Variants in MAST4 observed in about 807,000 individuals in gnomAD.
MAST4 encodes microtubule-associated serine/threonine-protein kinase 4.
MAST4 carries 89 observed loss-of-function variants against 162.7 expected under a neutral mutation model. The ratio of observed to expected loss-of-function variants is 0.55; its 90% CI spans 0.46 to 0.65. The LOEUF is 0.65. Ranked by LOEUF, MAST4 falls within the 30% of genes least tolerant of loss-of-function variation. The probability of loss-of-function intolerance (pLI) is 0.00; values close to 1 mark genes in which losing one functional copy is unlikely to be tolerated. For synonymous variants in MAST4, 1,479 were observed against 1,361.1 expected, an observed-to-expected ratio of 1.09 and a Z score of -1.91; for missense variants, 3,153 against 3,374.0, an observed-to-expected ratio of 0.93 and a Z score of 1.62.
chr5:66,656,561 T>C (rs1415791429), intron 1 of MAST4, among the ~76,000 whole-genome samples: 1 of 152,134 alleles, frequency 6.6e-6, no homozygotes, highest in Non-Finnish European at 1.5e-5. Context: ...TTGAGGAATA[T>C]TGATGAGAAG....
In MAST4 at chr5:66,750,285, A is replaced by G. The variant is rs189930406; in HGVS notation, c.364-9424A>G. Among the ~76,000 whole-genome samples, 372 of 152,258 alleles carry G rather than the reference A, an allele frequency of 2.4e-3. 2 individuals are homozygous for G. The highest frequency in any genetic ancestry group is 8.6e-3 in the African/African-American group (356 of 41,558). On this transcript the variant is annotated intron_variant, in intron 1 of 28. Transcript: ENST00000403625. The stretch of plus-strand genomic sequence containing the variant: ...ATGAGTCTTTAAAATGCATGTGCTG[A>G]GGGAGGAGCCAAGATGGCCGAATAG...
intron 1 of MAST4, among the ~76,000 whole-genome samples, chr5:66,649,149 C>T (rs1746051263): frequency 6.6e-6 from 1 of 152,156 alleles, no homozygotes; most frequent in South Asian, 2.1e-4. Context: ...ATTGCCCTAA[C>T]AGTGAATCAA....
chr5:67,090,127 CAT>C, intron 5 of MAST4, 33 bp from the exon 6 acceptor site: 2 of 1,393,362 alleles, frequency 1.4e-6, no homozygotes, highest in Non-Finnish European at 2.0e-6. Context: ...TACACAAAAT[CAT>C]GTAGTAAATT....
chr5:66,873,264 A>G (rs1237091377), intron 3 of MAST4, among the ~76,000 whole-genome samples: 1 of 152,240 alleles, frequency 6.6e-6, no homozygotes, highest in Admixed American at 6.5e-5. Flanking sequence ...AAGCCATAGG[A>G]GAAGCCACGG....
chr5:66,833,696 A>G (rs1263899386), intron 3 of MAST4, among the ~76,000 whole-genome samples: 1 of 152,192 alleles, frequency 6.6e-6, no homozygotes, highest in Non-Finnish European at 1.5e-5. Flanking sequence ...TTTAATTTTC[A>G]TGAAATTTTC....
At chr5:66,612,239 A>C (rs1485315443) in intron 1 of MAST4, among the ~76,000 whole-genome samples, 1 of 152,140 alleles carries the variant, frequency 6.6e-6, no homozygotes, top group East Asian at 1.9e-4. Context: ...TTGCCTGTTC[A>C]CTTGAACTTC....
chr5:66,599,300 A>T (rs1742404300), intron 1 of MAST4, among the ~76,000 whole-genome samples: 2 of 152,146 alleles, frequency 1.3e-5, no homozygotes, highest in Admixed American at 1.3e-4. Flanking sequence ...TAAGGAGCAA[A>T]TGAAACCTCT....
At chr5:66,713,998 A>G (rs759345836) in intron 1 of MAST4, among the ~76,000 whole-genome samples, 4 of 152,226 alleles carry the variant, frequency 2.6e-5, no homozygotes, top group Non-Finnish European at 5.9e-5. Flanking sequence ...CCATGATGAA[A>G]GTACTTTTGT....
chr5:66,963,721 G>A (rs368168347), intron 4 of MAST4: 13 of 779,688 alleles, frequency 1.7e-5, no homozygotes, highest in Non-Finnish European at 3.1e-5. Flanking sequence ...ACTCCCAGGA[G>A]CCTGAGTCCA....
chr5:66,929,863 G>A (rs1287687197), intron 4 of MAST4, among the ~76,000 whole-genome samples: 2 of 152,176 alleles, frequency 1.3e-5, no homozygotes, highest in Non-Finnish European at 2.9e-5. Context: ...AGTAGCTTGA[G>A]TCTGATGATT....
chr5:66,917,587 T>A (rs1764196736), intron 4 of MAST4, among the ~76,000 whole-genome samples: 1 of 101,166 alleles, frequency 9.9e-6, no homozygotes, highest in South Asian at 4.0e-4. Flanking sequence ...GAGGTAGGAT[T>A]CTCTTTCTTT....
chr5:66,746,129 T>G (rs1752744246), intron 1 of MAST4, among the ~76,000 whole-genome samples: 1 of 152,206 alleles, frequency 6.6e-6, no homozygotes, highest in Middle Eastern at 3.2e-3. Context: ...TTAGGTCCTT[T>G]CCACTGCTTA....
intron 1 of MAST4, among the ~76,000 whole-genome samples, chr5:66,670,265 T>C (rs568847852): frequency 6.1e-4 from 93 of 152,278 alleles, no homozygotes; most frequent in African/African-American, 2.2e-3. Context: ...TAGTCATAGC[T>C]CTTGCAGACT....
At chr5:66,886,707 A>T (rs182669101) in intron 3 of MAST4, among the ~76,000 whole-genome samples, 13 of 149,516 alleles carry the variant, frequency 8.7e-5, no homozygotes, top group Middle Eastern at 3.4e-3. Context: ...TTATTTTTCA[A>T]AAGAAGAACT....
intron 4 of MAST4, among the ~76,000 whole-genome samples, chr5:66,988,528 A>G (rs1007557304): frequency 1.3e-5 from 2 of 152,206 alleles, no homozygotes; most frequent in African/African-American, 2.4e-5. Flanking sequence ...TAAAAATACT[A>G]ACTATCCTAG....
chr5:67,119,346 C>A (rs929626794), intron 13 of MAST4, among the ~76,000 whole-genome samples: 4 of 152,062 alleles, frequency 2.6e-5, no homozygotes, highest in African/African-American at 9.7e-5. Flanking sequence ...CCTGCCGTGG[C>A]ACAGGTGAGA....
At chr5:66,968,441 C>T (rs1761726619) in intron 4 of MAST4, among the ~76,000 whole-genome samples, 1 of 152,184 alleles carries the variant, frequency 6.6e-6, no homozygotes, top group Admixed American at 6.5e-5. Context: ...AACACACATG[C>T]CATGTTGCTG....
At chr5:66,943,366 G>A (rs963715698) in intron 4 of MAST4, among the ~76,000 whole-genome samples, 4 of 152,072 alleles carry the variant, frequency 2.6e-5, no homozygotes, top group Non-Finnish European at 4.4e-5. Flanking sequence ...TTCTCATTGT[G>A]TTTAGTGTAC....
At chr5:66,938,019 C>G (rs1355100882) in intron 4 of MAST4, among the ~76,000 whole-genome samples, 1 of 151,932 alleles carries the variant, frequency 6.6e-6, no homozygotes, top group Non-Finnish European at 1.5e-5. Flanking sequence ...GGGATCCATT[C>G]AGGGCACTTA....
Sources: allele counts gnomAD v4.1 joint callset (sites outside exome capture counted in the v4.1 genomes callset), GRCh38; gene constraint gnomAD v4.1.1; transcripts MANE v1.5; gene names NCBI Gene and HGNC (gene_info 2026-07-23, HGNC 2026-07-21).